PAG1: variants seen among roughly 807,000 people sequenced by gnomAD.
PAG1 encodes phosphoprotein membrane anchor with glycosphingolipid microdomains 1.
A neutral mutation model predicts 31.7 loss-of-function variants in PAG1; 23 were observed. The ratio of observed to expected loss-of-function variants is 0.73; its 90% CI spans 0.52 to 1.03. The LOEUF (loss-of-function observed/expected upper bound fraction) is 1.03. Ranked by LOEUF, PAG1 falls within the 50% of genes least tolerant of loss-of-function variation. The pLI is 0.00. For synonymous variants in PAG1, 214 were observed against 210.3 expected, an observed-to-expected ratio of 1.02 and a Z score of -0.15; for missense variants, 473 against 540.7, an observed-to-expected ratio of 0.87 and a Z score of 1.24.
intron 2 of PAG1, among the ~76,000 whole-genome samples, chr8:81,033,602 C>T (rs956872240): frequency 1.1e-4 from 17 of 152,222 alleles, no homozygotes; most frequent in Non-Finnish European, 2.1e-4. Flanking sequence ...ATGCCACGCC[C>T]AGCAGTTTCT....
At chr8:81,043,524 T>C (rs945660383) in intron 2 of PAG1, among the ~76,000 whole-genome samples, 3 of 152,204 alleles carry the variant, frequency 2.0e-5, no homozygotes, top group Non-Finnish European at 2.9e-5. Context: ...TCAGTACATA[T>C]AGGGTTATCT....
At chr8:81,055,532 A>G (rs1002754154) in intron 2 of PAG1, among the ~76,000 whole-genome samples, 20 of 152,074 alleles carry the variant, frequency 1.3e-4, no homozygotes, top group Non-Finnish European at 2.5e-4. Context: ...CATTGAATCT[A>G]TAAGTTACCT....
Position 80,968,700 on chromosome 8 carries a change from T to G in PAG1, c.*7844A>C, listed in dbSNP as rs1450493842. On this transcript the variant is annotated 3_prime_UTR_variant, in exon 9 of 9. Coordinates refer to ENST00000220597, the MANE Select transcript of PAG1 (RefSeq NM_018440.4). Reference sequence around the variant, plus strand: ...AATATATTTGAAAAAATGCTTCTAGTCACCTACTCAATTATAGCTCTAGTA... The same window carrying G: ...AATATATTTGAAAAAATGCTTCTAGGCACCTACTCAATTATAGCTCTAGTA... 2 of 152,354 alleles carry G rather than the reference T, an allele frequency of 1.3e-5. No individual in the cohort carries two copies. The highest frequency in any genetic ancestry group is 3.9e-4 in the East Asian group (2 of 5,192). 9.4% of individuals were successfully genotyped at this position (152,354 alleles called of 1,614,324 possible). A position where few individuals can be genotyped will look rare whatever the true frequency, so the allele number is the denominator to read the frequency against.
intron 1 of PAG1, among the ~76,000 whole-genome samples, chr8:81,095,196 G>T (rs1021192733): frequency 2.6e-5 from 4 of 152,140 alleles, no homozygotes; most frequent in Non-Finnish European, 5.9e-5. Context: ...GTACTCATGG[G>T]GCTGTGAGGT....
At chr8:80,978,212 G>C (rs1807222903) in intron 8 of PAG1, among the ~76,000 whole-genome samples, 1 of 151,638 alleles carries the variant, frequency 6.6e-6, no homozygotes, top group Admixed American at 6.6e-5. Flanking sequence ...CAGAAAAACA[G>C]TCTTTGGAAA....
intron 2 of PAG1, chr8:81,039,619 G>T (rs1025794597): frequency 6.6e-6 from 1 of 152,114 alleles, no homozygotes; most frequent in African/African-American, 2.4e-5. Flanking sequence ...TAGAATACAG[G>T]GTCAGTGCAT....
At chr8:81,023,074 TTTAA>T (rs1188137827) in intron 3 of PAG1, among the ~76,000 whole-genome samples, 2 of 152,196 alleles carry the variant, frequency 1.3e-5, no homozygotes, top group Non-Finnish European at 2.9e-5. Flanking sequence ...TGGAAGATAT[TTTAA>T]TTATTTTAAA....
chr8:81,101,297 ATG>A (rs552396267), intron 1 of PAG1, among the ~76,000 whole-genome samples: 230 of 152,346 alleles, frequency 1.5e-3, no homozygotes, highest in Non-Finnish European at 2.7e-3. Context: ...AAAGGTCAAG[ATG>A]TACATTTTGG....
chr8:80,981,314 G>T (rs536864562), intron 7 of PAG1, among the ~76,000 whole-genome samples: 2 of 151,988 alleles, frequency 1.3e-5, no homozygotes, highest in South Asian at 2.1e-4. Flanking sequence ...TTCAAAGTCT[G>T]CCCTTCTCCT....
chr8:81,033,575 C>T (rs1234528532), intron 2 of PAG1, among the ~76,000 whole-genome samples: 1 of 152,214 alleles, frequency 6.6e-6, no homozygotes, highest in Non-Finnish European at 1.5e-5. Flanking sequence ...CTGAAACCCA[C>T]ATATCCTGTC....
chr8:81,052,129 C>CAA (rs769477091), intron 2 of PAG1, among the ~76,000 whole-genome samples: 8 of 74,168 alleles, frequency 1.1e-4, no homozygotes, highest in South Asian at 9.2e-4. Context: ...GACTCCATCT[C>CAA]AAAAAAAAAA....
intron 3 of PAG1, among the ~76,000 whole-genome samples, chr8:81,021,606 T>C (rs1808173004): frequency 6.6e-6 from 1 of 151,316 alleles, no homozygotes; most frequent in Non-Finnish European, 1.5e-5. Context: ...ATTTCTTTTC[T>C]ATGTAGCAAA....
intron 6 of PAG1, 140 bp from the exon 7 acceptor site, chr8:80,985,517 AC>A: frequency 1.3e-6 from 1 of 789,132 alleles, no homozygotes; most frequent in Non-Finnish European, 2.0e-6. Flanking sequence ...AGTTGTTATG[AC>A]CATCAGTTGG....
In PAG1 at chr8:81,065,042, T is replaced by A. The variant is rs376427794; in HGVS notation, c.-175+5070A>T. Among the ~76,000 whole-genome samples, 12 of 152,176 alleles carry A rather than the reference T, an allele frequency of 7.9e-5. No homozygotes were observed. In the East Asian group the frequency reaches 2.3e-3, roughly 29 times the overall value. On this transcript the variant is annotated intron_variant, in intron 2 of 8. Transcript: ENST00000220597. ...CTTCTCCCAAACCTCTGGCAAGGGATCTGGGCATCCTGGGAGCCACAGACC... is the reference window on the plus strand; with the variant it reads ...CTTCTCCCAAACCTCTGGCAAGGGAACTGGGCATCCTGGGAGCCACAGACC...
chr8:81,089,170 A>C (rs73692339), intron 1 of PAG1, among the ~76,000 whole-genome samples: 4,372 of 152,318 alleles, frequency 0.029, 226 homozygotes, highest in African/African-American at 0.099. Flanking sequence ...AGTTAACAGC[A>C]TTAAGTTTCA....
intron 3 of PAG1, among the ~76,000 whole-genome samples, chr8:80,997,363 T>C (rs1031908025): frequency 1.3e-5 from 2 of 152,126 alleles, no homozygotes; most frequent in Non-Finnish European, 2.9e-5. Context: ...CTCGACCTCC[T>C]GGAATCAAGC....
At chr8:81,027,167 T>C (rs1808296092) in intron 3 of PAG1, among the ~76,000 whole-genome samples, 1 of 152,034 alleles carries the variant, frequency 6.6e-6, no homozygotes, top group African/African-American at 2.4e-5. Context: ...TGCACCACCA[T>C]GCTTGGTTAA....
At chr8:81,032,604 A>G (rs1808394460) in intron 2 of PAG1, among the ~76,000 whole-genome samples, 1 of 152,232 alleles carries the variant, frequency 6.6e-6, no homozygotes, top group African/African-American at 2.4e-5. Flanking sequence ...GAGATATCAG[A>G]ACCCCATGCC....
chr8:81,109,912 G>GGGT, intron 1 of PAG1, among the ~76,000 whole-genome samples: 1 of 152,294 alleles, frequency 6.6e-6, no homozygotes, highest in South Asian at 2.1e-4. Flanking sequence ...AGGGCTTAAT[G>GGGT]GGTCAATCTG....
Sources: allele counts gnomAD v4.1 joint callset (sites outside exome capture counted in the v4.1 genomes callset), GRCh38; gene constraint gnomAD v4.1.1; transcripts MANE v1.5; gene names NCBI Gene and HGNC (gene_info 2026-07-23, HGNC 2026-07-21).